The following ZNF682 variants were observed in gnomAD, a reference collection of about 807,000 sequenced individuals.
ZNF682 encodes zinc finger protein 682.
A neutral mutation model predicts 36.5 loss-of-function variants in ZNF682; 29 were observed. The ratio of observed to expected loss-of-function variants is 0.80; its 90% CI spans 0.59 to 1.08. The LOEUF is 1.08. ZNF682 is among the 50% of genes least tolerant of loss of function. The pLI, the probability that ZNF682 is intolerant of heterozygous loss-of-function variation, is 0.00. For missense variants in ZNF682, 561 were observed against 579.7 expected, an observed-to-expected ratio of 0.97 and a Z score of 0.33; for synonymous variants, 180 against 197.0, an observed-to-expected ratio of 0.91 and a Z score of 0.72.
rs567794264 is a variant in ZNF682 at position 20,016,204 on chromosome 19, G to T, written c.226+6800C>A. ...CACTCGCCTGTACTGTCAGCTACTT[G>T]GGGGGCTGAGTCAGTCTATAGAGCC... On this transcript the variant is annotated intron_variant, in intron 3 of 3. Coordinates refer to ENST00000397165, the MANE Select transcript of ZNF682 (RefSeq NM_033196.3). 1.3e-3 allele frequency among the ~76,000 whole-genome samples: 193 copies of T among 152,238 alleles called. 1 individual carries two copies. Among genetic ancestry groups the T allele is most frequent in the Admixed American group, 3.0e-3 (46 of 15,284 alleles).
intron 1 of ZNF682, among the ~76,000 whole-genome samples, chr19:20,026,534 A>C (rs2088433088): frequency 6.6e-6 from 1 of 152,080 alleles, no homozygotes. Flanking sequence ...GAGTGGCATG[A>C]TCCCGGCTCA....
At chr19:20,031,665 G>A (rs990523834) in intron 1 of ZNF682, among the ~76,000 whole-genome samples, 15 of 152,138 alleles carry the variant, frequency 9.9e-5, no homozygotes, top group Admixed American at 2.0e-4. Context: ...TATGTCGGCC[G>A]GGCACGGTGG....
intron 1 of ZNF682, among the ~76,000 whole-genome samples, chr19:20,035,544 T>TATAA (rs1191279584): frequency 6.6e-6 from 1 of 152,086 alleles, no homozygotes; most frequent in Admixed American, 6.6e-5. Flanking sequence ...TGATATAAGA[T>TATAA]ATAAATATCT....
intron 1 of ZNF682, among the ~76,000 whole-genome samples, chr19:20,038,863 C>T (rs999847906): frequency 6.6e-6 from 1 of 152,206 alleles, no homozygotes; most frequent in Non-Finnish European, 1.5e-5. Context: ...GGCTGGACCC[C>T]CAACCACAAA....
chr19:20,036,814 G>GAA (rs869238931), intron 1 of ZNF682, among the ~76,000 whole-genome samples: 1,340 of 19,866 alleles, frequency 0.067, 18 homozygotes, highest in South Asian at 0.23. Context: ...AAAAAAAAAA[G>GAA]AAAAAAAAAA....
chr19:20,003,190 C>CAAAAAAAAAAAAAAAAAA (rs755953644), downstream of ZNF682, among the ~76,000 whole-genome samples: 1 of 33,074 alleles, frequency 3.0e-5, no homozygotes, highest in Admixed American at 5.5e-4. Flanking sequence ...GACTCCGTCT[C>CAAAAAAAAAAAAAAAAAA]AAAAAAAAAA....
chr19:19,996,901 G>C (rs8103816), downstream of ZNF682, among the ~76,000 whole-genome samples: 9,616 of 152,094 alleles, frequency 0.063, 507 homozygotes, highest in East Asian at 0.19. Context: ...GGAAATTAGA[G>C]CCCCTAAATA....
intron 1 of ZNF682, among the ~76,000 whole-genome samples, chr19:20,029,932 C>T (rs980758425): frequency 6.6e-6 from 1 of 152,184 alleles, no homozygotes; most frequent in Non-Finnish European, 1.5e-5. Flanking sequence ...AGGAGCCAAA[C>T]TCTGATCTCC....
downstream of ZNF682, among the ~76,000 whole-genome samples, chr19:19,999,934 G>A (rs79505514): frequency 4.8e-3 from 729 of 152,280 alleles, 5 homozygotes; most frequent in African/African-American, 0.017. Context: ...GGAGGCTGGG[G>A]AAGCCCGAAA....
At chr19:20,016,476 A>G (rs2088335386) in intron 3 of ZNF682, among the ~76,000 whole-genome samples, 1 of 152,294 alleles carries the variant, frequency 6.6e-6, no homozygotes, top group Non-Finnish European at 1.5e-5. Context: ...AGGAAATGAT[A>G]TATCAACAGA....
chr19:20,024,792 C>T (rs2088417620), intron 1 of ZNF682, among the ~76,000 whole-genome samples: 1 of 115,416 alleles, frequency 8.7e-6, no homozygotes, highest in Admixed American at 9.8e-5. Flanking sequence ...GAGCTGAGAT[C>T]ATGCCATGGC....
chr19:20,018,218 C>G (rs981460594), intron 3 of ZNF682, among the ~76,000 whole-genome samples: 21 of 148,140 alleles, frequency 1.4e-4, no homozygotes, highest in African/African-American at 5.0e-4. Flanking sequence ...CTCAGCCTCC[C>G]AAGTAGCTGG....
exon 4 of ZNF682, chr19:19,997,091 G>C (rs1044860806): frequency 2.5e-6 from 1 of 392,830 alleles, no homozygotes; most frequent in East Asian, 3.6e-5. Context: ...ACCCAGAATA[G>C]TGGCAGCTCT....
chr19:19,999,693 C>A (rs940489488), downstream of ZNF682, among the ~76,000 whole-genome samples: 24 of 152,222 alleles, frequency 1.6e-4, no homozygotes, highest in Non-Finnish European at 3.1e-4. Context: ...CACCACCATA[C>A]CTGGTTAACT....
At chr19:20,029,000 A>G (rs1298689591) in intron 1 of ZNF682, among the ~76,000 whole-genome samples, 3 of 137,170 alleles carry the variant, frequency 2.2e-5, no homozygotes, top group African/African-American at 8.3e-5. Flanking sequence ...TTTTTTGGAG[A>G]TAGAGTCTTG....
At position 20,005,845 on chromosome 19, in the gene ZNF682, C is replaced by T. The variant is rs1473627964; in HGVS notation, c.*160G>A. ...TTCTCAGCATGAATTTTCTTCTGTG[C>T]AATAAGCTGTCAGCAATGGTTGAAG... On this transcript the variant is annotated 3_prime_UTR_variant, in exon 4 of 4. Transcript: ENST00000397165. 2.8e-6 allele frequency: 2 copies of T among 720,416 alleles called. No homozygotes were observed. Among genetic ancestry groups the T allele is most frequent in the Non-Finnish European group, 4.4e-6 (2 of 455,446 alleles). The allele number at this position is 720,416 out of a possible 1,614,324, so 44.6% of individuals were successfully genotyped here. A position where few individuals can be genotyped will look rare whatever the true frequency, so the allele number is the denominator to read the frequency against.
chr19:20,039,489 T>A lies in ZNF682; in HGVS notation c.-144A>T. The stretch of plus-strand genomic sequence containing the variant: ...ATGAAGATGGACCCTGAGCTCTGGC[T>A]GGAGCGAGACAAAGGCCCCGCCAGC... On this transcript the variant is annotated 5_prime_UTR_variant, in exon 1 of 4. Transcript: ENST00000397165. 1 of 1,167,492 alleles carries A rather than the reference T, an allele frequency of 8.6e-7. No individual in the cohort carries two copies. The highest frequency in any genetic ancestry group is 1.2e-6 in the Non-Finnish European group (1 of 839,700). The allele number at this position is 1,167,492 out of a possible 1,614,324, so 72.3% of individuals were successfully genotyped here. A position where few individuals can be genotyped will look rare whatever the true frequency, so the allele number is the denominator to read the frequency against.
chr19:20,000,603 T>C (rs2088161281), downstream of ZNF682, among the ~76,000 whole-genome samples: 1 of 152,208 alleles, frequency 6.6e-6, no homozygotes, highest in Non-Finnish European at 1.5e-5. Flanking sequence ...GTCATTTTCA[T>C]ACCCAGGTCA....
chr19:20,029,747 T>C (rs2088464314), intron 1 of ZNF682, among the ~76,000 whole-genome samples: 1 of 152,142 alleles, frequency 6.6e-6, no homozygotes, highest in Admixed American at 6.6e-5. Flanking sequence ...TTGTGATTCC[T>C]GGAGCAACTG....
Sources: gnomAD v4.1 joint callset for allele counts (sites outside exome capture counted in the v4.1 genomes callset) on GRCh38, gnomAD v4.1.1 for gene constraint, MANE v1.5 for transcripts, NCBI Gene and HGNC (gene_info 2026-07-23, HGNC 2026-07-21) for gene names.